The following SLC28A1 variants were observed in gnomAD, a reference collection of about 807,000 sequenced individuals.
The protein encoded by SLC28A1 is sodium/nucleoside cotransporter 1.
A neutral mutation model predicts 74.8 loss-of-function variants in SLC28A1; 64 were observed. The observed-to-expected ratio is 0.86, with a 90% CI of 0.70 to 1.05. The LOEUF (loss-of-function observed/expected upper bound fraction) is 1.05. Among genes scored for constraint, SLC28A1 ranks in the 50% least tolerant of loss-of-function variants. SLC28A1 has a pLI of 0.00. For synonymous variants in SLC28A1, 359 were observed against 335.0 expected, an observed-to-expected ratio of 1.07 and a Z score of -0.78; for missense variants, 828 against 822.8, an observed-to-expected ratio of 1.01 and a Z score of -0.08.
chr15:84,911,064 C>T (rs1029816078), intron 9 of SLC28A1, among the ~76,000 whole-genome samples: 2 of 152,176 alleles, frequency 1.3e-5, no homozygotes, highest in South Asian at 4.1e-4. Flanking sequence ...ATTAAAGCCT[C>T]GTTAGCCAAA....
chr15:84,933,055 A>T, intron 12 of SLC28A1, 90 bp from the exon 13 acceptor site: 4 of 1,288,978 alleles, frequency 3.1e-6, no homozygotes, highest in East Asian at 2.4e-5. Context: ...GACAGACTAC[A>T]CATGTGCCCT....
At chr15:84,959,979 G>C in the SLC28A1 span, among the ~76,000 whole-genome samples, 2 of 152,114 alleles carry the variant, frequency 1.3e-5, no homozygotes, top group African/African-American at 2.4e-5. Flanking sequence ...ACTGGGCTGA[G>C]ACCATCTATT....
At chr15:84,928,122 G>T (rs1970718113) in intron 12 of SLC28A1, among the ~76,000 whole-genome samples, 1 of 152,130 alleles carries the variant, frequency 6.6e-6, no homozygotes, top group African/African-American at 2.4e-5. Flanking sequence ...TCCAGGCCCA[G>T]CCCTGGGCAG....
intron 15 of SLC28A1, among the ~76,000 whole-genome samples, chr15:84,937,895 T>G (rs941716287): frequency 5.5e-5 from 3 of 54,550 alleles, no homozygotes; most frequent in African/African-American, 2.1e-4. Flanking sequence ...AGACTCTGTC[T>G]CAAAAAACAA....
intron 9 of SLC28A1, among the ~76,000 whole-genome samples, chr15:84,916,386 TG>T (rs1393798406): frequency 6.6e-6 from 1 of 151,728 alleles, no homozygotes; most frequent in African/African-American, 2.4e-5. Flanking sequence ...GAACCACATG[TG>T]TGTGCCACCA....
In SLC28A1 at chr15:84,887,852, G is replaced by T; in HGVS notation, c.92G>T (p.Ser31Ile). 5 of 1,611,128 alleles carry T rather than the reference G, an allele frequency of 3.1e-6. No homozygotes were observed. The highest frequency in any genetic ancestry group is 1.7e-4 in the Middle Eastern group (1 of 6,058). ...AACATGGGGGCTGATTTCTTGGAAA[G>T]CCTGGTCTGTACCCTTCCCCATCAG... is the stretch of plus-strand genomic sequence containing the variant. ...LENMGADFLESLEEGQLPRSD... is the reference protein window; with the variant it reads ...LENMGADFLEILEEGQLPRSD... The change falls in exon 3 of 19, where the codon AGC (serine) becomes ATC (isoleucine). Residue 31 changes from serine to isoleucine, a missense_variant. Around this residue, in one of 3 missense-constraint regions of SLC28A1, gnomAD observed 767 missense variants for 753.5 expected, o/e 1.02. Transcript: ENST00000394573.
Position 84,906,573 on chromosome 15 carries a change from TCTTCCTTCCTTCCTTCCTTC to T in SLC28A1, c.717+955_717+974del, listed in dbSNP as rs71135327. 5.7e-3 allele frequency among the ~76,000 whole-genome samples: 561 copies of T among 98,066 alleles called. 15 individuals are homozygous for T. Among genetic ancestry groups the T allele is most frequent in the Middle Eastern group, 0.04 (8 of 198 alleles). The allele number at this position is 98,066 out of a possible 152,430, so 64.3% of individuals were successfully genotyped here. On this transcript the variant is annotated intron_variant, in intron 8 of 18. Transcript: ENST00000394573. The stretch of plus-strand genomic sequence containing the variant: ...CTTTCTTTCTTTCTTTCTCTTTCTT[TCTTCCTTCCTTCCTTCCTTC>T]CTTCCTTCCTTCCTTCCTTCCTTCC...
intron 10 of SLC28A1, among the ~76,000 whole-genome samples, chr15:84,920,370 T>C (rs1238873890): frequency 6.6e-6 from 1 of 151,150 alleles, no homozygotes; most frequent in Non-Finnish European, 1.5e-5. Context: ...TGCTTGAACC[T>C]GGGAGGCAGA....
At chr15:84,953,385 G>T in the SLC28A1 span, among the ~76,000 whole-genome samples, 1 of 152,214 alleles carries the variant, frequency 6.6e-6, no homozygotes, top group Non-Finnish European at 1.5e-5. Flanking sequence ...TCAACAGCTG[G>T]TGGGTTTTAT....
chr15:84,953,188 CAG>C, the SLC28A1 span, among the ~76,000 whole-genome samples: 7 of 152,290 alleles, frequency 4.6e-5, no homozygotes, highest in African/African-American at 1.7e-4. Context: ...TGCTCTGAGC[CAG>C]AGTGTGGCCC....
At chr15:84,968,892 C>T in the SLC28A1 span, among the ~76,000 whole-genome samples, 1 of 152,112 alleles carries the variant, frequency 6.6e-6, no homozygotes, top group Non-Finnish European at 1.5e-5. Flanking sequence ...AGAGAGTAAG[C>T]CCAGCCCATC....
chr15:84,907,243 T>A (rs996595183), intron 8 of SLC28A1, among the ~76,000 whole-genome samples: 1 of 152,248 alleles, frequency 6.6e-6, no homozygotes, highest in East Asian at 1.9e-4. Context: ...TTGGGAGTAG[T>A]GCAGGAGCTC....
intron 18 of SLC28A1, 111 bp downstream of exon 18, chr15:84,944,978 G>A: frequency 9.4e-7 from 1 of 1,058,356 alleles, no homozygotes; most frequent in East Asian, 2.4e-5. Flanking sequence ...TGTTACGGCT[G>A]CAGCTAATGG....
At chr15:84,934,972 C>G in intron 13 of SLC28A1, 54 bp from the exon 14 acceptor site, 2 of 1,496,368 alleles carry the variant, frequency 1.3e-6, no homozygotes, top group Non-Finnish European at 1.9e-6. Flanking sequence ...GGATAGGGAC[C>G]CTTGCTGGTT....
At position 84,945,250 on chromosome 15, in the gene SLC28A1, G is replaced by A. The variant is rs752245412; in HGVS notation, c.*50G>A. 1.9e-6 allele frequency: 3 copies of A among 1,548,296 alleles called. No homozygotes were observed. The highest frequency in any genetic ancestry group is 1.4e-5 in the African/African-American group (1 of 73,560). On this transcript the variant is annotated 3_prime_UTR_variant, in exon 19 of 19. Transcript: ENST00000394573. ...CGCTTCTGAGGGCTGTTCTCCCCCGGGAACCATCTGTCCCCACCTTCCCTT... is the reference window on the plus strand; with the variant it reads ...CGCTTCTGAGGGCTGTTCTCCCCCGAGAACCATCTGTCCCCACCTTCCCTT...
chr15:84,889,937 G>A (rs1363091363), intron 4 of SLC28A1, among the ~76,000 whole-genome samples: 1 of 150,880 alleles, frequency 6.6e-6, no homozygotes, highest in Non-Finnish European at 1.5e-5. Flanking sequence ...CTGGGCTCAA[G>A]AGATTCTCCT....
chr15:84,886,146 AAAGATGAAATG>A (rs1161772328), intron 1 of SLC28A1: 9 of 985,312 alleles, frequency 9.1e-6, no homozygotes, highest in Non-Finnish European at 9.6e-6. Context: ...TTCATTTAAC[AAAGATGAAATG>A]AAGGGGAAAT....
At chr15:84,952,143 G>A in the SLC28A1 span, among the ~76,000 whole-genome samples, 1 of 152,174 alleles carries the variant, frequency 6.6e-6, no homozygotes, top group Middle Eastern at 3.2e-3. Context: ...AAGAAGGACA[G>A]GCTTCTCAGG....
At chr15:84,968,964 C>T in the SLC28A1 span, among the ~76,000 whole-genome samples, 1 of 152,192 alleles carries the variant, frequency 6.6e-6, no homozygotes, top group African/African-American at 2.4e-5. Flanking sequence ...GGGACACTCA[C>T]TTTGAACCTG....
Sources: gnomAD v4.1 joint callset for allele counts (sites outside exome capture counted in the v4.1 genomes callset) on GRCh38, gnomAD v4.1.1 for gene constraint, gnomAD v4.1.1 regional missense constraint, MANE v1.5 for transcripts, NCBI Gene and HGNC (gene_info 2026-07-23, HGNC 2026-07-21) for gene names.